The following TRMT11 variants were observed in gnomAD, a reference collection of about 807,000 sequenced individuals.
TRMT11 encodes tRNA methyltransferase 11.
In TRMT11, 53 loss-of-function variants were observed where a neutral mutation model predicts 62.8. That is an observed-to-expected ratio of 0.84 (90% CI 0.68 to 1.06). TRMT11 has a LOEUF of 1.06. Ranked by LOEUF, TRMT11 falls within the 50% of genes least tolerant of loss-of-function variation. The pLI is 0.00. For missense variants in TRMT11, 556 were observed against 553.4 expected (o/e 1.00, Z -0.05); for synonymous variants, 188 against 190.3 (o/e 0.99, Z 0.10).
intron 17 of TRMT11, among the ~76,000 whole-genome samples, chr6:126,088,819 A>G (rs1401139163): frequency 2.0e-5 from 3 of 152,210 alleles, no homozygotes; most frequent in Non-Finnish European, 4.4e-5. Context: ...GATTGATTTT[A>G]TATACTTAAA....
At chr6:126,141,856 A>G (rs1329129525) in intron 21 of TRMT11, among the ~76,000 whole-genome samples, 1 of 152,074 alleles carries the variant, frequency 6.6e-6, no homozygotes, top group Non-Finnish European at 1.5e-5. Flanking sequence ...TTTTGCATTA[A>G]GACTTCACTA....
intron 17 of TRMT11, among the ~76,000 whole-genome samples, chr6:126,087,364 TTAAAG>T (rs1438215225): frequency 6.6e-6 from 1 of 152,154 alleles, no homozygotes. Flanking sequence ...AAAACCTACT[TTAAAG>T]TAAGTACTGC....
intron 12 of TRMT11, among the ~76,000 whole-genome samples, chr6:126,038,086 T>G (rs1043049667): frequency 6.6e-6 from 1 of 152,090 alleles, no homozygotes; most frequent in Non-Finnish European, 1.5e-5. Context: ...CAGGTTGCTA[T>G]TACCATTAGA....
intron 21 of TRMT11, among the ~76,000 whole-genome samples, chr6:126,128,780 T>A (rs1235814859): frequency 6.6e-6 from 1 of 152,088 alleles, no homozygotes; most frequent in Non-Finnish European, 1.5e-5. Flanking sequence ...AAATATCCCA[T>A]GTGATATTGT....
At chr6:126,267,290 A>G in the TRMT11 span, among the ~76,000 whole-genome samples, 1 of 152,312 alleles carries the variant, frequency 6.6e-6, no homozygotes, top group South Asian at 2.1e-4. Context: ...GATATAATGA[A>G]AGGATGTAGG....
At chr6:126,162,548 C>G (rs1354923498) in intron 21 of TRMT11, among the ~76,000 whole-genome samples, 1 of 152,096 alleles carries the variant, frequency 6.6e-6, no homozygotes, top group Non-Finnish European at 1.5e-5. Context: ...TATGCAGCCT[C>G]TTTTTTGGTT....
At chr6:126,195,261 C>T (rs931014478) in intron 1 of TRMT11, among the ~76,000 whole-genome samples, 1 of 152,156 alleles carries the variant, frequency 6.6e-6, no homozygotes, top group Admixed American at 6.5e-5. Context: ...TCTTAGTGAA[C>T]ATTTAGTAAA....
chr6:126,150,254 C>T (rs1414039088), intron 21 of TRMT11, among the ~76,000 whole-genome samples: 1 of 152,152 alleles, frequency 6.6e-6, no homozygotes, highest in Non-Finnish European at 1.5e-5. Context: ...GCTTTGGGAT[C>T]CTTTAGAGAG....
intron 21 of TRMT11, among the ~76,000 whole-genome samples, chr6:126,124,480 G>A (rs904586626): frequency 1.6e-4 from 25 of 152,028 alleles, no homozygotes; most frequent in African/African-American, 5.8e-4. Context: ...TGAGACTGCT[G>A]TTTCTCTCCC....
chr6:125,987,683 T>C (rs1004322845), intron 1 of TRMT11, among the ~76,000 whole-genome samples: 1 of 152,132 alleles, frequency 6.6e-6, no homozygotes, highest in Non-Finnish European at 1.5e-5. Context: ...TGGGAAAATA[T>C]TTAGGCCATA....
chr6:126,009,609 A>C (rs564482383), intron 8 of TRMT11, among the ~76,000 whole-genome samples: 1 of 152,074 alleles, frequency 6.6e-6, no homozygotes, highest in African/African-American at 2.4e-5. Flanking sequence ...AAGTAATTTG[A>C]TATCTTGTAC....
intron 17 of TRMT11, among the ~76,000 whole-genome samples, chr6:126,067,865 C>G (rs1776735315): frequency 6.6e-6 from 1 of 152,090 alleles, no homozygotes; most frequent in African/African-American, 2.4e-5. Flanking sequence ...AAATTTTATT[C>G]ATTTGAGTAG....
chr6:126,100,732 T>A (rs1777389521), intron 17 of TRMT11, among the ~76,000 whole-genome samples: 1 of 152,102 alleles, frequency 6.6e-6, no homozygotes, highest in Non-Finnish European at 1.5e-5. Flanking sequence ...GGGGGAATGG[T>A]TTTGGGATGA....
chr6:126,134,953 C>T (rs993733319), intron 21 of TRMT11, among the ~76,000 whole-genome samples: 3 of 151,518 alleles, frequency 2.0e-5, no homozygotes, highest in African/African-American at 7.3e-5. Context: ...CAAATAAAGA[C>T]AGAACACAAC....
chr6:126,094,254 G>A (rs1277206552), intron 17 of TRMT11, among the ~76,000 whole-genome samples: 1 of 152,108 alleles, frequency 6.6e-6, no homozygotes, highest in Non-Finnish European at 1.5e-5. Flanking sequence ...GTCACTTAGA[G>A]CATGGTAGTA....
At chr6:126,190,110 C>T (rs570613830) in intron 1 of TRMT11, among the ~76,000 whole-genome samples, 1 of 152,172 alleles carries the variant, frequency 6.6e-6, no homozygotes, top group South Asian at 2.1e-4. Flanking sequence ...AGATTATTAA[C>T]TATAATTTTC....
chr6:126,246,766 A>G, the TRMT11 span, among the ~76,000 whole-genome samples: 1 of 152,230 alleles, frequency 6.6e-6, no homozygotes, highest in Non-Finnish European at 1.5e-5. Flanking sequence ...TTGAAAATAC[A>G]TATATCTATT....
chr6:126,072,596 G>A (rs1776890186), intron 17 of TRMT11, among the ~76,000 whole-genome samples: 1 of 152,110 alleles, frequency 6.6e-6, no homozygotes, highest in African/African-American at 2.4e-5. Flanking sequence ...CATTTTATAT[G>A]TGTATCTTAG....
chr6:125,996,093 A>C, intron 3 of TRMT11, 53 bp downstream of exon 3: 1 of 1,258,008 alleles, frequency 7.9e-7, no homozygotes, highest in Admixed American at 1.7e-5. Flanking sequence ...TCTCATAACC[A>C]CTCAATCCTG....
Sources: allele counts gnomAD v4.1 joint callset (sites outside exome capture counted in the v4.1 genomes callset), GRCh38; gene constraint gnomAD v4.1.1; transcripts MANE v1.5; gene names NCBI Gene and HGNC (gene_info 2026-07-23, HGNC 2026-07-21).